ARHGEF18: variants seen among roughly 807,000 people sequenced by gnomAD.
ARHGEF18 encodes Rho/Rac guanine nucleotide exchange factor 18, also known as rho guanine nucleotide exchange factor 18.
ARHGEF18 carries 93 observed loss-of-function variants against 155.7 expected under a neutral mutation model. That is an observed-to-expected ratio of 0.60 (90% CI 0.50 to 0.71). The LOEUF is 0.71. Ranked by LOEUF, ARHGEF18 falls within the 30% of genes least tolerant of loss-of-function variation. The pLI, the probability that ARHGEF18 is intolerant of heterozygous loss-of-function variation, is 0.00. For synonymous variants in ARHGEF18, 742 were observed against 753.1 expected, an observed-to-expected ratio of 0.99 and a Z score of 0.24; for missense variants, 1,593 against 1,816.1, an observed-to-expected ratio of 0.88 and a Z score of 2.23.
At chr19:7,436,032 C>T (rs1238837925) in intron 10 of ARHGEF18, among the ~76,000 whole-genome samples, 1 of 152,008 alleles carries the variant, frequency 6.6e-6, no homozygotes, top group African/African-American at 2.4e-5. Flanking sequence ...GAGACGAGAT[C>T]TCACTGTGTT....
chr19:7,377,792 A>G (rs1325446140), intron 5 of ARHGEF18, among the ~76,000 whole-genome samples: 1 of 151,382 alleles, frequency 6.6e-6, no homozygotes, highest in Non-Finnish European at 1.5e-5. Context: ...TCTCAAAAAA[A>G]AAAAAAAAAA....
At chr19:7,424,902 G>C (rs551918880) in intron 10 of ARHGEF18, among the ~76,000 whole-genome samples, 164 of 152,030 alleles carry the variant, frequency 1.1e-3, no homozygotes, top group Non-Finnish European at 1.8e-3. Flanking sequence ...GCTGAGGCAG[G>C]AGAATCGCTG....
chr19:7,421,960 A>C (rs1346705930), intron 10 of ARHGEF18, among the ~76,000 whole-genome samples: 2 of 151,808 alleles, frequency 1.3e-5, no homozygotes, highest in African/African-American at 4.8e-5. Flanking sequence ...GGCCCAAACC[A>C]GACATCTTCG....
chr19:7,356,905 C>T (rs564320779), intron 1 of ARHGEF18, among the ~76,000 whole-genome samples: 10 of 152,274 alleles, frequency 6.6e-5, no homozygotes, highest in African/African-American at 2.2e-4. Context: ...ACTGACCCTC[C>T]TTGAAGGCTC....
Position 7,399,835 on chromosome 19 carries a change from C to A in ARHGEF18, c.967+16632C>A, listed in dbSNP as rs187621495. 1.4e-4 allele frequency among the ~76,000 whole-genome samples: 21 copies of A among 149,572 alleles called. No individual in the cohort carries two copies. In the East Asian group the frequency reaches 3.7e-3, roughly 27 times the overall value. On this transcript the variant is annotated intron_variant, in intron 10 of 28. Coordinates refer to ENST00000668164, the MANE Select transcript of ARHGEF18 (RefSeq NM_001367823.1). ...TCACCTGGGCTGGAGAGCAGTGGTA[C>A]GATCACAGCTCACTACAGCCTCGAC...
At chr19:7,385,951 TCTCTCTCCCTCCCC>T (rs1971040963) in intron 10 of ARHGEF18, among the ~76,000 whole-genome samples, 1 of 101,434 alleles carries the variant, frequency 9.9e-6, no homozygotes, top group Non-Finnish European at 1.9e-5. Flanking sequence ...TCTCCCTCTC[TCTCTCTCCCTCCCC>T]CTCTCTCCCT....
chr19:7,409,768 CT>C lies in ARHGEF18; in HGVS notation c.967+26581del, dbSNP rs916335135. ...GTGAGGGGTTTTTCTTTCTTTCTTTCTTTTTTTTTTTTTTTTATTGAGATGG... is the reference window on the plus strand; with the variant it reads ...GTGAGGGGTTTTTCTTTCTTTCTTTCTTTTTTTTTTTTTTTATTGAGATGG... On this transcript the variant is annotated intron_variant, in intron 10 of 28. Transcript: ENST00000668164. Among the ~76,000 whole-genome samples, 85 of 23,100 alleles carry C rather than the reference CT, an allele frequency of 3.7e-3. 1 individual carries two copies. The highest frequency in any genetic ancestry group is 0.013 in the South Asian group (4 of 300). 15.2% of individuals were successfully genotyped at this position (23,100 alleles called of 152,430 possible).
Position 7,447,181 on chromosome 19 carries a change from T to G in ARHGEF18, c.1737+13T>G. On this transcript the variant is annotated intron_variant, in intron 15 of 28. Coordinates refer to ENST00000668164, the MANE Select transcript of ARHGEF18 (RefSeq NM_001367823.1). ...AAACTTGATCAAGGTAAAAACAATT[T>G]TTTTTTTTAATCAAAAACTTATATT... The G allele has an allele frequency of 1.2e-6, 2 of 1,600,204 alleles. No individual in the cohort carries two copies. Among genetic ancestry groups the G allele is most frequent in the Non-Finnish European group, 1.7e-6 (2 of 1,172,738 alleles).
intron 10 of ARHGEF18, among the ~76,000 whole-genome samples, chr19:7,393,976 A>AT: frequency 6.7e-6 from 1 of 148,594 alleles, no homozygotes; most frequent in Admixed American, 6.7e-5. Context: ...TATATGATTC[A>AT]TTTTTCCCAG....
At chr19:7,467,766 G>A (rs1299019605) in intron 26 of ARHGEF18, 82 bp downstream of exon 26, 6 of 1,343,082 alleles carry the variant, frequency 4.5e-6, no homozygotes, top group Non-Finnish European at 4.8e-6. Context: ...CAGGTGACAG[G>A]GTTCGCGGGT....
At chr19:7,371,853 T>C (rs1280262784) in intron 2 of ARHGEF18, among the ~76,000 whole-genome samples, 1 of 150,406 alleles carries the variant, frequency 6.6e-6, no homozygotes, top group Non-Finnish European at 1.5e-5. Flanking sequence ...ATAAATGTTA[T>C]GTGATGTGTA....
Position 7,416,012 on chromosome 19 carries a change from C to A in ARHGEF18, c.968-24332C>A, listed in dbSNP as rs76961426. Among the ~76,000 whole-genome samples the A allele has an allele frequency of 2.6e-3, 400 of 152,294 alleles. 14 individuals carry two copies. In the East Asian group the frequency reaches 0.066, roughly 25 times the overall value. The stretch of plus-strand genomic sequence containing the variant: ...GGCGACACTCCACCTTCTCGTTCAG[C>A]CTCTCACACTGTAAACACATGCCCT... On this transcript the variant is annotated intron_variant, in intron 10 of 28. Coordinates refer to ENST00000668164, the MANE Select transcript of ARHGEF18 (RefSeq NM_001367823.1).
chr19:7,404,062 C>T (rs1031686095), intron 10 of ARHGEF18, among the ~76,000 whole-genome samples: 4 of 148,198 alleles, frequency 2.7e-5, no homozygotes, highest in Non-Finnish European at 5.9e-5. Context: ...AGCGAGACTC[C>T]GTCTCAAAAA....
intron 10 of ARHGEF18, among the ~76,000 whole-genome samples, chr19:7,418,696 G>A (rs574410220): frequency 5.9e-5 from 9 of 152,116 alleles, no homozygotes; most frequent in East Asian, 3.9e-4. Context: ...GTTTGAGCCC[G>A]GGCAGCGTGG....
intron 2 of ARHGEF18, among the ~76,000 whole-genome samples, chr19:7,366,985 C>A (rs1352828087): frequency 1.3e-5 from 2 of 151,832 alleles, no homozygotes; most frequent in Non-Finnish European, 2.9e-5. Context: ...TGGTCTCAAA[C>A]CCCTAGTCTC....
intron 22 of ARHGEF18, 98 bp downstream of exon 22, chr19:7,464,053 G>T (rs1211882891): frequency 7.0e-7 from 1 of 1,429,642 alleles, no homozygotes; most frequent in African/African-American, 1.4e-5. Flanking sequence ...TTTTGTTGTT[G>T]TTGAGACAGA....
chr19:7,387,343 G>T (rs575463643), intron 10 of ARHGEF18, among the ~76,000 whole-genome samples: 1 of 151,840 alleles, frequency 6.6e-6, no homozygotes, highest in East Asian at 1.9e-4. Flanking sequence ...TAGTAGAGAC[G>T]GGGTTTCACC....
At chr19:7,411,251 T>TCTTCCC (rs143676032) in intron 10 of ARHGEF18, among the ~76,000 whole-genome samples, 3,152 of 128,948 alleles carry the variant, frequency 0.024, 70 homozygotes, top group African/African-American at 0.037. Context: ...TTCCCCTACC[T>TCTTCCC]CTTCCCCTTC....
At chr19:7,475,349 G>A (rs1348920080), downstream of ARHGEF18, among the ~76,000 whole-genome samples, 1 of 152,186 alleles carries the variant, frequency 6.6e-6, no homozygotes, top group Admixed American at 6.5e-5. Context: ...CACCAAGCCT[G>A]GGGGCTGCGG....
Sources: allele counts gnomAD v4.1 joint callset (sites outside exome capture counted in the v4.1 genomes callset), GRCh38; gene constraint gnomAD v4.1.1; transcripts MANE v1.5; gene names NCBI Gene and HGNC (gene_info 2026-07-23, HGNC 2026-07-21).